Variants in LAMA4 observed in about 807,000 individuals in gnomAD.
The protein encoded by LAMA4 is laminin subunit alpha-4.
Under a neutral mutation model 207.1 loss-of-function variants are expected in LAMA4, and 127 were observed. That is an observed-to-expected ratio of 0.61 (90% CI 0.53 to 0.71). The LOEUF (loss-of-function observed/expected upper bound fraction) is 0.71. LAMA4 is among the 30% of genes least tolerant of loss of function. LAMA4 has a pLI of 0.00. For missense variants in LAMA4, 2,093 were observed against 2,246.5 expected (o/e 0.93, Z 1.38); for synonymous variants, 761 against 816.0 (o/e 0.93, Z 1.15).
At chr6:112,214,027 G>A (rs781983423) in intron 3 of LAMA4, 4 of 764,012 alleles carry the variant, frequency 5.2e-6, no homozygotes, top group Non-Finnish European at 9.7e-6. Context: ...GAGAATGAAC[G>A]ATAGGGCAGA....
chr6:112,212,749 G>C lies in LAMA4; in HGVS notation c.297+3619C>G, dbSNP rs144168049. Among the ~76,000 whole-genome samples, 250 of 152,268 alleles carry C rather than the reference G, an allele frequency of 1.6e-3. 1 individual carries two copies. Among genetic ancestry groups the C allele is most frequent in the African/African-American group, 4.9e-3 (203 of 41,558 alleles). Reference sequence around the variant, plus strand: ...ATGAAAGGATTATGCACTTGATCTAGATACCAATTTACAGTTGCAAGAAAA... The same window carrying C: ...ATGAAAGGATTATGCACTTGATCTACATACCAATTTACAGTTGCAAGAAAA... On this transcript the variant is annotated intron_variant, in intron 3 of 38. Coordinates refer to ENST00000230538, the MANE Select transcript of LAMA4 (RefSeq NM_001105206.3).
chr6:112,218,323 G>C lies in LAMA4; in HGVS notation c.196-1854C>G, dbSNP rs141173526. The C allele has an allele frequency of 5.3e-3, 802 of 152,256 alleles. 11 individuals carry two copies. The highest frequency in any genetic ancestry group is 0.019 in the African/African-American group (778 of 41,556). 9.4% of individuals were successfully genotyped at this position (152,256 alleles called of 1,614,324 possible). A position where few individuals can be genotyped will look rare whatever the true frequency, so the allele number is the denominator to read the frequency against. ...CTGCATTTTAAAAAATAACTTTTGT[G>C]TTTTAGAATAACTTTAGATTTACAG... On this transcript the variant is annotated intron_variant, in intron 2 of 38. Transcript: ENST00000230538.
intron 2 of LAMA4, among the ~76,000 whole-genome samples, chr6:112,231,907 G>T (rs1030160281): frequency 1.3e-5 from 2 of 152,298 alleles, no homozygotes; most frequent in East Asian, 1.9e-4. Flanking sequence ...ACTTAGGATT[G>T]TGTGTTGAAC....
chr6:112,118,681 C>T lies in LAMA4; in HGVS notation c.4821+475G>A, dbSNP rs1375752322. On this transcript the variant is annotated intron_variant, in intron 34 of 38. Coordinates refer to ENST00000230538, the MANE Select transcript of LAMA4 (RefSeq NM_001105206.3). This position sits in a 1 kb window ranked among gnomAD's most constrained non-coding sequence, Gnocchi z 4.6. ...TTCTCACTTCTCCCCAGGGCAACCA[C>T]ATTTCCTTATACATTTACAAATTGT... 2.0e-5 allele frequency among the ~76,000 whole-genome samples: 3 copies of T among 150,976 alleles called. No individual in the cohort carries two copies. Among genetic ancestry groups the T allele is most frequent in the Non-Finnish European group, 4.4e-5 (3 of 67,856 alleles).
intron 17 of LAMA4, 99 bp from the exon 18 acceptor site, chr6:112,148,435 AT>A (rs1415532435): frequency 1.5e-6 from 2 of 1,326,146 alleles, no homozygotes; most frequent in East Asian, 2.4e-5. Context: ...CAGATCTCAC[AT>A]TTTGGGCTCT....
intron 2 of LAMA4, among the ~76,000 whole-genome samples, chr6:112,229,527 C>T (rs1785423692): frequency 6.6e-6 from 1 of 152,196 alleles, no homozygotes; most frequent in Non-Finnish European, 1.5e-5. Flanking sequence ...TGTAACTATT[C>T]TAAGCCTTCA....
intron 5 of LAMA4, among the ~76,000 whole-genome samples, chr6:112,198,329 T>A (rs1783541602): frequency 6.6e-6 from 1 of 152,212 alleles, no homozygotes; most frequent in Non-Finnish European, 1.5e-5. Flanking sequence ...GGTTCTTGGT[T>A]TGGACTAATT....
chr6:112,226,527 A>T (rs192258896), intron 2 of LAMA4, among the ~76,000 whole-genome samples: 48 of 152,336 alleles, frequency 3.2e-4, no homozygotes, highest in Middle Eastern at 3.4e-3. Context: ...CCTTGCACAG[A>T]CTTCATCAGA....
intron 4 of LAMA4, among the ~76,000 whole-genome samples, chr6:112,202,514 C>T (rs1422738332): frequency 1.3e-5 from 2 of 151,888 alleles, no homozygotes; most frequent in Non-Finnish European, 2.9e-5. Flanking sequence ...TGGTACTATA[C>T]AACCAATAAA....
chr6:112,241,162 A>AATATATATGAATATATATGT (rs1786450041), intron 2 of LAMA4, among the ~76,000 whole-genome samples: 6 of 55,550 alleles, frequency 1.1e-4, no homozygotes, highest in South Asian at 5.2e-4. Flanking sequence ...TATATATATG[A>AATATATATGAATATATATGT]ATATATATGA....
At chr6:112,144,108 A>G (rs1779872965) in intron 19 of LAMA4, among the ~76,000 whole-genome samples, 1 of 152,244 alleles carries the variant, frequency 6.6e-6, no homozygotes, top group African/African-American at 2.4e-5. Context: ...AATCAATTAA[A>G]AAAATTCAAG....
intron 5 of LAMA4, among the ~76,000 whole-genome samples, chr6:112,195,595 C>T (rs1554350235): frequency 6.6e-6 from 1 of 152,092 alleles, no homozygotes; most frequent in African/African-American, 2.4e-5. Context: ...CTGTGTTCTG[C>T]CTTTTCTGTT....
intron 10 of LAMA4, among the ~76,000 whole-genome samples, 186 bp downstream of exon 10, chr6:112,177,935 T>C (rs1782118443): frequency 3.3e-5 from 5 of 152,224 alleles, no homozygotes; most frequent in African/African-American, 1.2e-4. Flanking sequence ...TAAGTAGGGA[T>C]GAGTGCTCAG....
chr6:112,127,768 G>A (rs1468595170), intron 31 of LAMA4, among the ~76,000 whole-genome samples: 2 of 152,180 alleles, frequency 1.3e-5, no homozygotes, highest in African/African-American at 4.8e-5. Context: ...GATGAGAGTT[G>A]TTGGTGGCAA....
At chr6:112,127,605 C>T (rs1186998010) in intron 31 of LAMA4, among the ~76,000 whole-genome samples, 1 of 152,024 alleles carries the variant, frequency 6.6e-6, no homozygotes, top group Non-Finnish European at 1.5e-5. Flanking sequence ...GTGCCTTGGG[C>T]TTTTACTCGG....
At chr6:112,246,896 G>C (rs1363207998) in intron 2 of LAMA4, among the ~76,000 whole-genome samples, 1 of 152,112 alleles carries the variant, frequency 6.6e-6, no homozygotes, top group Non-Finnish European at 1.5e-5. Flanking sequence ...TCCTATTGCT[G>C]GGGAAAGGCT....
At chr6:112,216,292 C>G in intron 3 of LAMA4, 76 bp downstream of exon 3, 1 of 1,033,554 alleles carries the variant, frequency 9.7e-7, no homozygotes, top group South Asian at 1.3e-5. Flanking sequence ...CTCAAACATC[C>G]GAAAAATATT....
At chr6:112,168,585 ATCC>A (rs2114847306) in intron 12 of LAMA4, among the ~76,000 whole-genome samples, 1 of 151,904 alleles carries the variant, frequency 6.6e-6, no homozygotes, top group South Asian at 2.1e-4. Flanking sequence ...ACCTCAGGTG[ATCC>A]ACCTGCCTTG....
At chr6:112,231,119 C>T (rs1447358351) in intron 2 of LAMA4, among the ~76,000 whole-genome samples, 1 of 152,162 alleles carries the variant, frequency 6.6e-6, no homozygotes, top group East Asian at 1.9e-4. Flanking sequence ...CTGGAATACC[C>T]GGGATAAAAG....
Sources: allele counts gnomAD v4.1 joint callset (sites outside exome capture counted in the v4.1 genomes callset), GRCh38; gene constraint gnomAD v4.1.1; non-coding constraint Gnocchi (gnomAD v3.1); transcripts MANE v1.5; gene names NCBI Gene and HGNC (gene_info 2026-07-23, HGNC 2026-07-21).